CYRIA: variants seen among roughly 807,000 people sequenced by gnomAD.
CYRIA encodes CYFIP-related Rac1 interactor A.
In CYRIA, 15 loss-of-function variants were observed where a neutral mutation model predicts 43.9. That is an observed-to-expected ratio of 0.34 (90% CI 0.23 to 0.53). The LOEUF (loss-of-function observed/expected upper bound fraction) is 0.53. CYRIA is among the 20% of genes least tolerant of loss of function. The pLI is 0.94. For missense variants in CYRIA, 236 were observed against 394.2 expected (o/e 0.60, Z 3.40); for synonymous variants, 117 against 136.0 (o/e 0.86, Z 0.97).
At chr2:16,613,465 T>C (rs1330010931) in intron 2 of CYRIA, among the ~76,000 whole-genome samples, 1 of 151,382 alleles carries the variant, frequency 6.6e-6, no homozygotes, top group East Asian at 1.9e-4. Flanking sequence ...ATTCGCTGAG[T>C]GTCAGCCCTG....
intron 2 of CYRIA, among the ~76,000 whole-genome samples, chr2:16,602,286 G>A (rs1478564396): frequency 1.3e-5 from 2 of 151,982 alleles, no homozygotes; most frequent in Admixed American, 6.6e-5. Flanking sequence ...AGCCTCTCTG[G>A]TGCAAAGACT....
At chr2:16,588,956 A>C (rs1667829989) in intron 2 of CYRIA, among the ~76,000 whole-genome samples, 1 of 152,262 alleles carries the variant, frequency 6.6e-6, no homozygotes, top group Non-Finnish European at 1.5e-5. Flanking sequence ...CAGCAGTCTC[A>C]ACCTAATAAA....
intron 1 of CYRIA, among the ~76,000 whole-genome samples, chr2:16,625,382 T>A (rs1334935697): frequency 2.8e-5 from 2 of 72,306 alleles, no homozygotes; most frequent in Non-Finnish European, 5.6e-5. Flanking sequence ...AGAGATGGGG[T>A]GGGGGTGGAG....
intron 1 of CYRIA, among the ~76,000 whole-genome samples, chr2:16,630,211 T>C (rs1168869434): frequency 6.6e-6 from 1 of 152,120 alleles, no homozygotes; most frequent in Non-Finnish European, 1.5e-5. Context: ...GGACAGTCAC[T>C]CAGAGAGGCT....
chr2:16,642,839 A>T (rs1045860948), intron 1 of CYRIA, among the ~76,000 whole-genome samples: 3 of 152,096 alleles, frequency 2.0e-5, no homozygotes, highest in Non-Finnish European at 4.4e-5. Context: ...TCATTTTCTC[A>T]ATGAGAACCA....
intron 2 of CYRIA, among the ~76,000 whole-genome samples, chr2:16,602,224 G>C (rs958660790): frequency 6.6e-6 from 1 of 152,186 alleles, no homozygotes; most frequent in African/African-American, 2.4e-5. Context: ...AGAAGGGATA[G>C]ATTTTCTTAT....
intron 11 of CYRIA, 84 bp downstream of exon 11, chr2:16,554,985 G>C: frequency 1.0e-6 from 1 of 998,454 alleles, no homozygotes; most frequent in Non-Finnish European, 1.5e-6. Context: ...GTTAAGTTTG[G>C]TGCTATCCAC....
At chr2:16,614,586 G>A (rs1321689168) in intron 2 of CYRIA, among the ~76,000 whole-genome samples, 1 of 152,146 alleles carries the variant, frequency 6.6e-6, no homozygotes, top group Non-Finnish European at 1.5e-5. Flanking sequence ...CACTGTTTGG[G>A]CTATTTCTTC....
chr2:16,609,286 TG>T (rs1294348349), intron 2 of CYRIA, among the ~76,000 whole-genome samples: 2 of 152,154 alleles, frequency 1.3e-5, no homozygotes, highest in Non-Finnish European at 2.9e-5. Flanking sequence ...GGGGGACCCC[TG>T]GGGCCCCAGG....
rs1558426966 is a variant in CYRIA, at chr2:16,613,556, A to ATTTCTGCTATACTATATT, written c.-11+10307_-11+10308insAATATAGTATAGCAGAAA. On this transcript the variant is annotated intron_variant, in intron 2 of 11. Transcript: ENST00000381323. ...TACCCTCCAGTAGGTTAGTTTGAAG[A>ATTTCTGCTATACTATATT]GTTACTATATTGTATATTTCTGCTA... 9.1e-3 allele frequency among the ~76,000 whole-genome samples: 1,390 copies of ATTTCTGCTATACTATATT among 152,320 alleles called. 21 individuals carry two copies. The highest frequency in any genetic ancestry group is 0.032 in the African/African-American group (1,311 of 41,552).
chr2:16,617,724 T>C (rs982452983), intron 2 of CYRIA, among the ~76,000 whole-genome samples: 1 of 152,202 alleles, frequency 6.6e-6, no homozygotes, highest in African/African-American at 2.4e-5. Context: ...CGGGGCTTCC[T>C]GTTGGTGGTG....
At chr2:16,555,731 G>A (rs754076178) in intron 10 of CYRIA, among the ~76,000 whole-genome samples, 2 of 152,006 alleles carry the variant, frequency 1.3e-5, no homozygotes, top group Non-Finnish European at 2.9e-5. Flanking sequence ...ATACGACTCT[G>A]TCATTTATCA....
At chr2:16,652,527 A>C (rs983368535) in intron 1 of CYRIA, among the ~76,000 whole-genome samples, 2 of 152,160 alleles carry the variant, frequency 1.3e-5, no homozygotes, top group Non-Finnish European at 2.9e-5. Context: ...TTGCTCTGTA[A>C]AGGGAAAGGC....
chr2:16,620,643 G>A (rs1668961508), intron 2 of CYRIA, among the ~76,000 whole-genome samples: 1 of 152,176 alleles, frequency 6.6e-6, no homozygotes, highest in Admixed American at 6.5e-5. Context: ...ACTGTGAGCA[G>A]TTCTAAGCTG....
chr2:16,624,239 G>A (rs1165204929), intron 1 of CYRIA, among the ~76,000 whole-genome samples: 2 of 152,232 alleles, frequency 1.3e-5, no homozygotes, highest in Admixed American at 6.5e-5. Context: ...CAGTTTGGGA[G>A]TTGAATCCAC....
At chr2:16,664,257 C>T (rs1455818757) in intron 1 of CYRIA, among the ~76,000 whole-genome samples, 2 of 152,146 alleles carry the variant, frequency 1.3e-5, no homozygotes, top group Admixed American at 1.3e-4. Flanking sequence ...TCCCACTCTC[C>T]CCTCACAGGA....
chr2:16,564,161 G>T, intron 4 of CYRIA, 67 bp from the exon 5 acceptor site: 1 of 1,264,582 alleles, frequency 7.9e-7, no homozygotes. Flanking sequence ...AATGCCCTAA[G>T]ATTTAGTTTA....
At position 16,642,701 on chromosome 2, in the gene CYRIA, A is replaced by G. The variant is rs531778226; in HGVS notation, c.-166-18682T>C. ...CTTCTTCCTTTGTTCTATCAGGTCC[A>G]TCACATTGGCCTCCTAGCTTGTCCT... On this transcript the variant is annotated intron_variant, in intron 1 of 11. Transcript: ENST00000381323. 5.3e-5 allele frequency among the ~76,000 whole-genome samples: 8 copies of G among 152,346 alleles called. No individual in the cohort carries two copies. In the South Asian group the frequency reaches 1.7e-3, roughly 32 times the overall value.
At chr2:16,648,438 G>A (rs1159767453) in intron 1 of CYRIA, among the ~76,000 whole-genome samples, 1 of 152,140 alleles carries the variant, frequency 6.6e-6, no homozygotes, top group African/African-American at 2.4e-5. Flanking sequence ...CAAGGCCACT[G>A]CCCATCAACA....
Sources: allele counts gnomAD v4.1 joint callset (sites outside exome capture counted in the v4.1 genomes callset), GRCh38; gene constraint gnomAD v4.1.1; transcripts MANE v1.5; gene names NCBI Gene and HGNC (gene_info 2026-07-23, HGNC 2026-07-21).